NPSR1: variants seen among roughly 807,000 people sequenced by gnomAD.
NPSR1 encodes the protein neuropeptide S receptor 1.
A neutral mutation model predicts 46.9 loss-of-function variants in NPSR1; 48 were observed. The observed-to-expected ratio is 1.02, with a 90% CI of 0.81 to 1.30. The LOEUF (loss-of-function observed/expected upper bound fraction) is 1.30. Ranked by LOEUF, NPSR1 falls within the 50% of genes most tolerant of loss-of-function variation. The pLI is 0.00. For missense variants in NPSR1, 450 were observed against 449.5 expected, an observed-to-expected ratio of 1.00 and a Z score of -0.01; for synonymous variants, 176 against 168.1, an observed-to-expected ratio of 1.05 and a Z score of -0.36.
At chr7:34,686,286 G>C (rs1792926508) in intron 2 of NPSR1, 1 of 152,138 alleles carries the variant, frequency 6.6e-6, no homozygotes, top group Non-Finnish European at 1.5e-5. Flanking sequence ...AACTCTAGGG[G>C]TCAGGTCAGA....
intron 3 of NPSR1, among the ~76,000 whole-genome samples, chr7:34,810,227 G>T (rs1056112010): frequency 2.0e-5 from 3 of 152,174 alleles, no homozygotes; most frequent in Non-Finnish European, 4.4e-5. Flanking sequence ...ACTCCCTCTG[G>T]ATTTGAACCT....
intron 2 of NPSR1, among the ~76,000 whole-genome samples, chr7:34,742,171 C>CTTTT (rs61342932): frequency 2.1e-5 from 3 of 145,850 alleles, no homozygotes; most frequent in Non-Finnish European, 4.5e-5. Context: ...AATCTCTCTC[C>CTTTT]TTTTTTTTTT....
At chr7:34,832,616 G>A (rs1367282117) in intron 5 of NPSR1, among the ~76,000 whole-genome samples, 1 of 152,172 alleles carries the variant, frequency 6.6e-6, no homozygotes, top group Admixed American at 6.5e-5. Flanking sequence ...TAGTTATTAG[G>A]TGTTCGCCAT....
rs149100052 is a variant in NPSR1, at chr7:34,737,118, T to C, written c.281-41344T>C. Among the ~76,000 whole-genome samples the C allele has an allele frequency of 3.7e-4, 56 of 152,204 alleles. 1 individual carries two copies. In the East Asian group the frequency reaches 7.9e-3, roughly 22 times the overall value. ...GGGAATGTCCTCACTCCCTGGCCTCTCTATACCTTTGCTGCCAATATCAGC... is the reference window on the plus strand; with the variant it reads ...GGGAATGTCCTCACTCCCTGGCCTCCCTATACCTTTGCTGCCAATATCAGC... On this transcript the variant is annotated intron_variant, in intron 2 of 8. Coordinates refer to ENST00000360581, the MANE Select transcript of NPSR1 (RefSeq NM_207172.2).
intron 6 of NPSR1, among the ~76,000 whole-genome samples, chr7:34,836,623 AAAG>A (rs1165207106): frequency 4.0e-5 from 6 of 151,704 alleles, no homozygotes; most frequent in African/African-American, 7.3e-5. Context: ...TGAGGAAAGA[AAAG>A]AAGAAAGAAA....
chr7:34,874,807 GA>G (rs2128771015), intron 8 of NPSR1, among the ~76,000 whole-genome samples: 1 of 152,236 alleles, frequency 6.6e-6, no homozygotes, highest in South Asian at 2.1e-4. Flanking sequence ...CAAGTTAAAT[GA>G]CCCCAGCAGG....
At chr7:34,710,410 C>T (rs1393809212) in intron 2 of NPSR1, among the ~76,000 whole-genome samples, 3 of 152,144 alleles carry the variant, frequency 2.0e-5, no homozygotes, top group Non-Finnish European at 4.4e-5. Flanking sequence ...GACTAAACTG[C>T]CATTTGTACT....
intron 2 of NPSR1, among the ~76,000 whole-genome samples, chr7:34,736,572 C>CCTTG (rs1784674982): frequency 6.6e-6 from 1 of 151,942 alleles, no homozygotes; most frequent in Non-Finnish European, 1.5e-5. Context: ...TACCTACTCT[C>CCTTG]CTTGCTTACT....
chr7:34,799,151 AGAGT>A (rs1469403415), intron 3 of NPSR1, among the ~76,000 whole-genome samples: 1 of 152,178 alleles, frequency 6.6e-6, no homozygotes, highest in African/African-American at 2.4e-5. Context: ...TTTTCTCTGC[AGAGT>A]AAGTATGTGA....
chr7:34,827,718 AAC>A (rs1789930023), intron 5 of NPSR1, 116 bp downstream of exon 5: 1 of 732,124 alleles, frequency 1.4e-6, no homozygotes, highest in Admixed American at 2.6e-5. Flanking sequence ...CCCTTGAGGG[AAC>A]TGACCAGGCC....
At chr7:34,864,278 G>A (rs1361870560) in intron 8 of NPSR1, among the ~76,000 whole-genome samples, 4 of 151,352 alleles carry the variant, frequency 2.6e-5, no homozygotes, top group South Asian at 2.1e-4. Flanking sequence ...TGTAGATGAC[G>A]GGTTGATGGG....
chr7:34,864,903 G>A (rs1791274592), intron 8 of NPSR1, among the ~76,000 whole-genome samples: 1 of 151,804 alleles, frequency 6.6e-6, no homozygotes. Flanking sequence ...CCTCTTCCAG[G>A]CACAACTACA....
At chr7:34,792,550 T>C (rs1334576910) in intron 3 of NPSR1, among the ~76,000 whole-genome samples, 1 of 123,852 alleles carries the variant, frequency 8.1e-6, no homozygotes, top group Non-Finnish European at 1.7e-5. Flanking sequence ...CACACACACA[T>C]ATATATGTAC....
intron 2 of NPSR1, among the ~76,000 whole-genome samples, chr7:34,685,331 T>C (rs376543724): frequency 1.3e-5 from 2 of 152,096 alleles, no homozygotes; most frequent in East Asian, 3.9e-4. Flanking sequence ...GTAGAGCTCA[T>C]GTTCAAAAGG....
At chr7:34,714,566 A>G (rs921107113) in intron 2 of NPSR1, among the ~76,000 whole-genome samples, 31 of 152,238 alleles carry the variant, frequency 2.0e-4, no homozygotes, top group Admixed American at 1.5e-3. Context: ...GCATCTACAA[A>G]GCTCCCTCAG....
At chr7:34,702,374 G>C (rs1793872564) in intron 2 of NPSR1, among the ~76,000 whole-genome samples, 1 of 152,148 alleles carries the variant, frequency 6.6e-6, no homozygotes, top group Non-Finnish European at 1.5e-5. Context: ...TTTTAACCCA[G>C]GCCCATTGGC....
rs1474683504 is a variant in NPSR1 at position 34,658,223 on chromosome 7, T to C, written c.-190T>C. The C allele has an allele frequency of 6.7e-5, 40 of 601,438 alleles. 1 individual carries two copies. The highest frequency in any genetic ancestry group is 4.1e-4 in the South Asian group (20 of 48,832). 37.3% of individuals were successfully genotyped at this position (601,438 alleles called of 1,614,324 possible). On this transcript the variant is annotated 5_prime_UTR_variant, in exon 1 of 9. Transcript: ENST00000360581. ...TGCTATGCTGGCTACCTGGTGGTAATTGCCAAGGAGAGAGCAGCACGTAGA... is the reference window on the plus strand; with the variant it reads ...TGCTATGCTGGCTACCTGGTGGTAACTGCCAAGGAGAGAGCAGCACGTAGA...
At chr7:34,763,297 T>C (rs1017774472) in intron 2 of NPSR1, among the ~76,000 whole-genome samples, 3 of 152,192 alleles carry the variant, frequency 2.0e-5, no homozygotes, top group Admixed American at 6.5e-5. Flanking sequence ...TTAATCTTCA[T>C]TGAACGAGAT....
chr7:34,739,186 ATGC>A (rs1165297519), intron 2 of NPSR1, among the ~76,000 whole-genome samples: 1 of 152,210 alleles, frequency 6.6e-6, no homozygotes, highest in African/African-American at 2.4e-5. Flanking sequence ...ATTGGGAATG[ATGC>A]TGCTATTAAC....
Sources: allele counts gnomAD v4.1 joint callset (sites outside exome capture counted in the v4.1 genomes callset), GRCh38; gene constraint gnomAD v4.1.1; transcripts MANE v1.5; gene names NCBI Gene and HGNC (gene_info 2026-07-23, HGNC 2026-07-21).